Variants in RARB observed in about 807,000 individuals in gnomAD.
RARB encodes retinoic acid receptor beta, also known as HBV-activated protein.
RARB carries 17 observed loss-of-function variants against 51.9 expected under a neutral mutation model. The observed-to-expected ratio is 0.33, with a 90% CI of 0.22 to 0.49. The LOEUF is 0.49. Ranked by LOEUF, RARB falls within the 20% of genes least tolerant of loss-of-function variation. The pLI, the probability that RARB is intolerant of heterozygous loss-of-function variation, is 0.99. For missense variants in RARB, 369 were observed against 550.8 expected (o/e 0.67, Z 3.30); for synonymous variants, 215 against 195.4 (o/e 1.10, Z -0.84).
At chr3:25,406,336 C>T (rs1707407671) in intron 5 of RARB, among the ~76,000 whole-genome samples, 1 of 152,214 alleles carries the variant, frequency 6.6e-6, no homozygotes, top group South Asian at 2.1e-4. Context: ...TTTGTCTGCT[C>T]AGGCTGCCGT....
At chr3:25,414,409 G>T (rs1707647922) in intron 5 of RARB, among the ~76,000 whole-genome samples, 1 of 152,184 alleles carries the variant, frequency 6.6e-6, no homozygotes, top group Admixed American at 6.5e-5. Flanking sequence ...ATAGAAATAT[G>T]CCTTAATGTC....
At chr3:25,259,590 T>C (rs1019158255) in intron 5 of RARB, among the ~76,000 whole-genome samples, 4 of 152,166 alleles carry the variant, frequency 2.6e-5, no homozygotes, top group Admixed American at 2.6e-4. Flanking sequence ...CTGACTGGAC[T>C]TCACATGAGC....
At chr3:25,217,501 C>G in intron 5 of RARB, among the ~76,000 whole-genome samples, 1 of 152,072 alleles carries the variant, frequency 6.6e-6, no homozygotes. Flanking sequence ...CTCCCACCCC[C>G]CCCAATTCTG....
intron 3 of RARB, among the ~76,000 whole-genome samples, chr3:25,513,866 AG>A (rs1698027738): frequency 6.6e-6 from 1 of 152,200 alleles, no homozygotes; most frequent in African/African-American, 2.4e-5. Context: ...GTAAGAAAAA[AG>A]GAAGTGCCTT....
intron 2 of RARB, among the ~76,000 whole-genome samples, chr3:25,018,013 G>A (rs1319886390): frequency 2.6e-5 from 4 of 152,078 alleles, no homozygotes; most frequent in Admixed American, 1.3e-4. Flanking sequence ...CTCACACCTT[G>A]GTCTTGGACT....
intron 3 of RARB, among the ~76,000 whole-genome samples, chr3:25,078,200 T>G (rs1231175279): frequency 6.6e-6 from 1 of 152,148 alleles, no homozygotes; most frequent in Non-Finnish European, 1.5e-5. Flanking sequence ...AAATCTTTGC[T>G]TACTCAAAGG....
chr3:25,558,176 G>T (rs572296118), intron 3 of RARB, among the ~76,000 whole-genome samples: 1 of 152,044 alleles, frequency 6.6e-6, no homozygotes. Context: ...GTTTTCAAGC[G>T]CTTGGCCTCA....
chr3:24,860,129 T>G (rs540157526), intron 2 of RARB, among the ~76,000 whole-genome samples: 1 of 152,158 alleles, frequency 6.6e-6, no homozygotes, highest in African/African-American at 2.4e-5. Context: ...TTTCCCAAAA[T>G]GAACGGGGCC....
At chr3:25,189,040 G>C (rs1701039931) in intron 5 of RARB, among the ~76,000 whole-genome samples, 1 of 152,114 alleles carries the variant, frequency 6.6e-6, no homozygotes, top group Non-Finnish European at 1.5e-5. Flanking sequence ...ATAGTTGACA[G>C]AGTTCATAAA....
At chr3:24,975,383 G>A (rs1209686940) in intron 2 of RARB, among the ~76,000 whole-genome samples, 1 of 152,040 alleles carries the variant, frequency 6.6e-6, no homozygotes, top group Non-Finnish European at 1.5e-5. Flanking sequence ...ACTGTTTTTG[G>A]TGTTGGGGAT....
intron 3 of RARB, among the ~76,000 whole-genome samples, chr3:25,078,031 A>G (rs1418366141): frequency 6.6e-6 from 1 of 151,962 alleles, no homozygotes; most frequent in Non-Finnish European, 1.5e-5. Context: ...TTTGACTTCT[A>G]TTGAATTCCA....
In RARB at chr3:25,093,659, CTTG is replaced by C. The variant is rs570093540; in HGVS notation, c.-328+33488_-328+33490del. On this transcript the variant is annotated intron_variant, in intron 3 of 11. Transcript: ENST00000383772. ...CTCAGTTACTCCTGCAGATAATATCCTTGTTGTAGAATCTAAGATTGGCCTTTC... is the reference window on the plus strand; with the variant it reads ...CTCAGTTACTCCTGCAGATAATATCCTTGTAGAATCTAAGATTGGCCTTTC... Among the ~76,000 whole-genome samples the C allele has an allele frequency of 4.2e-4, 64 of 152,210 alleles. No homozygotes were observed. The South Asian group carries it at 0.012, about 29-fold the overall frequency.
rs548500673 is a variant in RARB, at chr3:25,332,247, C to T, written c.179-128946C>T. On this transcript the variant is annotated intron_variant, in intron 5 of 11. Coordinates refer to the RARB transcript ENST00000383772. The stretch of plus-strand genomic sequence containing the variant: ...AAAAAGAGAATTGTAGACCAATATC[C>T]CTGATGAACATCGATGCAGAAATCC... 4.3e-3 allele frequency among the ~76,000 whole-genome samples: 649 copies of T among 152,234 alleles called. 3 individuals are homozygous for T. The highest frequency in any genetic ancestry group is 0.014 in the Middle Eastern group (4 of 294).
intron 5 of RARB, among the ~76,000 whole-genome samples, chr3:25,181,699 T>G (rs1219811607): frequency 6.6e-6 from 1 of 152,238 alleles, no homozygotes; most frequent in African/African-American, 2.4e-5. Flanking sequence ...ATTTTACATA[T>G]AAATGCAAAA....
chr3:25,327,448 G>A (rs751167524), intron 5 of RARB, among the ~76,000 whole-genome samples: 2 of 152,064 alleles, frequency 1.3e-5, no homozygotes, highest in African/African-American at 4.8e-5. Flanking sequence ...AGCTACATTA[G>A]AAGAGAGAAA....
chr3:25,332,586 A>C (rs1704934724), intron 5 of RARB, among the ~76,000 whole-genome samples: 1 of 152,142 alleles, frequency 6.6e-6, no homozygotes, highest in South Asian at 2.1e-4. Context: ...ATGGACAAAA[A>C]CTGGAAGCAT....
At chr3:25,270,373 G>GAC (rs1703229957) in intron 5 of RARB, among the ~76,000 whole-genome samples, 2 of 152,052 alleles carry the variant, frequency 1.3e-5, no homozygotes, top group Non-Finnish European at 2.9e-5. Context: ...AATTAAGCCA[G>GAC]ACACAAAAAG....
intron 4 of RARB, among the ~76,000 whole-genome samples, chr3:25,153,562 A>G (rs1435940894): frequency 5.9e-5 from 9 of 152,234 alleles, no homozygotes; most frequent in Admixed American, 5.2e-4. Flanking sequence ...CTGGGCCAAT[A>G]TAAAACAGTA....
At chr3:25,557,727 T>C (rs1388461114) in intron 3 of RARB, among the ~76,000 whole-genome samples, 2 of 152,100 alleles carry the variant, frequency 1.3e-5, no homozygotes, top group African/African-American at 4.8e-5. Flanking sequence ...CCCTAATCAT[T>C]TCTTCACCAT....
Sources: gnomAD v4.1 joint callset for allele counts (sites outside exome capture counted in the v4.1 genomes callset) on GRCh38, gnomAD v4.1.1 for gene constraint, MANE v1.5 for transcripts, NCBI Gene and HGNC (gene_info 2026-07-23, HGNC 2026-07-21) for gene names.